CAMKMT: variants seen among roughly 807,000 people sequenced by gnomAD.
CAMKMT encodes the protein CaM KMT.
In CAMKMT, 53 loss-of-function variants were observed where a neutral mutation model predicts 48.0. The ratio of observed to expected loss-of-function variants is 1.10; its 90% confidence interval spans 0.89 to 1.39. The LOEUF (loss-of-function observed/expected upper bound fraction) is 1.39, where lower values mean the gene tolerates loss of function less well. Among genes scored for constraint, CAMKMT ranks in the 40% most tolerant of loss-of-function variants. The pLI is 0.00. For missense variants in CAMKMT, 428 were observed against 402.7 expected, an observed-to-expected ratio of 1.06 and a Z score of -0.54; for synonymous variants, 165 against 152.3, an observed-to-expected ratio of 1.08 and a Z score of -0.61.
intron 3 of CAMKMT, among the ~76,000 whole-genome samples, chr2:44,648,155 A>T (rs1041460493): frequency 6.6e-6 from 1 of 152,068 alleles, no homozygotes; most frequent in Non-Finnish European, 1.5e-5. Flanking sequence ...GTAGAACATT[A>T]TGTATAGTAT....
intron 3 of CAMKMT, among the ~76,000 whole-genome samples, chr2:44,502,182 C>G (rs1185253505): frequency 1.3e-5 from 2 of 152,000 alleles, no homozygotes; most frequent in Admixed American, 1.3e-4. Context: ...GATCGCACCA[C>G]TACACTCCAG....
At position 44,746,235 on chromosome 2, in the gene CAMKMT, C is replaced by A. The variant is rs900824780; in HGVS notation, c.698+2539C>A. On this transcript the variant is annotated intron_variant, in intron 8 of 10. Coordinates refer to ENST00000378494, the MANE Select transcript of CAMKMT (RefSeq NM_024766.5). ...ATTGAAGCGTTTCCAGCAAGGGTGGCATTGTCTGATTCCCTGAATAGCTAA... is the reference window on the plus strand; with the variant it reads ...ATTGAAGCGTTTCCAGCAAGGGTGGAATTGTCTGATTCCCTGAATAGCTAA... Among the ~76,000 whole-genome samples, 4 of 152,210 alleles carry A rather than the reference C, an allele frequency of 2.6e-5. No individual in the cohort carries two copies. In the South Asian group the frequency reaches 6.2e-4, roughly 24 times the overall value.
chr2:44,666,941 G>A (rs901074991), intron 3 of CAMKMT, among the ~76,000 whole-genome samples: 2 of 152,172 alleles, frequency 1.3e-5, no homozygotes, highest in African/African-American at 4.8e-5. Flanking sequence ...CATACAGGAG[G>A]AGAAGTAACC....
At chr2:44,655,500 T>C (rs1010871473) in intron 3 of CAMKMT, among the ~76,000 whole-genome samples, 1 of 152,196 alleles carries the variant, frequency 6.6e-6, no homozygotes, top group Non-Finnish European at 1.5e-5. Context: ...TCTAGGCTGA[T>C]TATATAAACA....
intron 3 of CAMKMT, among the ~76,000 whole-genome samples, chr2:44,519,428 A>C (rs1247612497): frequency 6.6e-6 from 1 of 152,182 alleles, no homozygotes; most frequent in Non-Finnish European, 1.5e-5. Flanking sequence ...TATAATTTTC[A>C]TTATGATTTT....
intron 3 of CAMKMT, among the ~76,000 whole-genome samples, chr2:44,545,360 C>A (rs1667336228): frequency 1.3e-5 from 2 of 152,138 alleles, no homozygotes; most frequent in Non-Finnish European, 2.9e-5. Flanking sequence ...CCAAGTATAT[C>A]CATCTTTTAT....
chr2:44,556,530 C>A lies in CAMKMT; in HGVS notation c.377-147753C>A, dbSNP rs1467357518. Reference sequence around the variant, plus strand: ...CAGGTCGGACTGCGGACTGCAGTGGCGCAATCTCGGCTCACTGCAAGCTCC... The same window carrying A: ...CAGGTCGGACTGCGGACTGCAGTGGAGCAATCTCGGCTCACTGCAAGCTCC... On this transcript the variant is annotated intron_variant, in intron 3 of 10. Coordinates refer to ENST00000378494, the MANE Select transcript of CAMKMT (RefSeq NM_024766.5). Among the ~76,000 whole-genome samples the A allele has an allele frequency of 9.2e-5, 2 of 21,754 alleles. 1 individual carries two copies. The allele number at this position is 21,754 out of a possible 152,430, so 14.3% of individuals were successfully genotyped here. A position where few individuals can be genotyped will look rare whatever the true frequency, so the allele number is the denominator to read the frequency against.
At chr2:44,548,860 A>G (rs1667548051) in intron 3 of CAMKMT, among the ~76,000 whole-genome samples, 1 of 152,192 alleles carries the variant, frequency 6.6e-6, no homozygotes, top group Non-Finnish European at 1.5e-5. Context: ...GAGCCTCCAG[A>G]TGAGAACTCA....
intron 3 of CAMKMT, among the ~76,000 whole-genome samples, chr2:44,446,248 A>T (rs1231151389): frequency 6.6e-6 from 1 of 151,894 alleles, no homozygotes; most frequent in Non-Finnish European, 1.5e-5. Context: ...GCGCCTGGCA[A>T]CAGATATTTA....
chr2:44,405,119 T>G (rs1682691172), intron 3 of CAMKMT, among the ~76,000 whole-genome samples: 1 of 152,110 alleles, frequency 6.6e-6, no homozygotes, highest in Admixed American at 6.5e-5. Flanking sequence ...TTGTGTATAT[T>G]AAAATCTATC....
At chr2:44,581,082 ACTAC>A (rs1669531943) in intron 3 of CAMKMT, among the ~76,000 whole-genome samples, 2 of 152,112 alleles carry the variant, frequency 1.3e-5, no homozygotes, top group South Asian at 4.1e-4. Context: ...GTTGTGGTTG[ACTAC>A]ACAAATGTCA....
intron 3 of CAMKMT, among the ~76,000 whole-genome samples, chr2:44,670,586 AG>A (rs1259320631): frequency 1.3e-5 from 2 of 152,184 alleles, no homozygotes; most frequent in African/African-American, 2.4e-5. Context: ...CCAGTGTTAA[AG>A]GCTGCAGAGA....
chr2:44,667,342 G>T (rs1235073007), intron 3 of CAMKMT, among the ~76,000 whole-genome samples: 1 of 152,148 alleles, frequency 6.6e-6, no homozygotes, highest in Non-Finnish European at 1.5e-5. Context: ...CTCCCCTGAG[G>T]ACCCTGCTTC....
chr2:44,493,924 C>A (rs1490795003), intron 3 of CAMKMT, among the ~76,000 whole-genome samples: 1 of 152,196 alleles, frequency 6.6e-6, no homozygotes, highest in Admixed American at 6.5e-5. Flanking sequence ...TTACTTTTAA[C>A]TGGCTACATT....
chr2:44,722,817 T>G lies in CAMKMT; in HGVS notation c.623+7464T>G, dbSNP rs114427151. Among the ~76,000 whole-genome samples the G allele has an allele frequency of 2.0e-3, 306 of 152,312 alleles. 1 individual carries two copies. Among genetic ancestry groups the G allele is most frequent in the Middle Eastern group, 0.01 (3 of 294 alleles). ...TGCTACTATGTAAGTTAATCAGCTG[T>G]CATAGGATCAGAGATACTTGAAACG... On this transcript the variant is annotated intron_variant, in intron 7 of 10. Coordinates refer to ENST00000378494, the MANE Select transcript of CAMKMT (RefSeq NM_024766.5).
intron 3 of CAMKMT, chr2:44,392,187 T>A (rs960278997): frequency 4.6e-5 from 7 of 152,232 alleles, no homozygotes; most frequent in African/African-American, 1.7e-4. Context: ...GCAGAAAAAT[T>A]AGATAAAATT....
rs1250403639 is a variant in CAMKMT, at chr2:44,657,989, C to G, written c.377-46294C>G. 3.3e-5 allele frequency among the ~76,000 whole-genome samples: 5 copies of G among 152,176 alleles called. No homozygotes were observed. Among genetic ancestry groups the G allele is most frequent in the African/African-American group, 1.2e-4 (5 of 41,452 alleles). On this transcript the variant is annotated intron_variant, in intron 3 of 10. Coordinates refer to ENST00000378494, the MANE Select transcript of CAMKMT (RefSeq NM_024766.5). This position sits in a 1 kb window ranked among gnomAD's most constrained non-coding sequence, Gnocchi z 4.3. ...TCAAATTATTTTTCACACAGATTTA[C>G]TCTCCTGAATTTTCCAGAAATGTAG...
intron 2 of CAMKMT, among the ~76,000 whole-genome samples, chr2:44,378,263 T>A (rs1342065197): frequency 6.6e-6 from 1 of 152,220 alleles, no homozygotes; most frequent in Non-Finnish European, 1.5e-5. Context: ...ATTGCAATTT[T>A]TTATGTAACG....
chr2:44,690,625 A>C (rs1009390778), intron 3 of CAMKMT, among the ~76,000 whole-genome samples: 2 of 152,182 alleles, frequency 1.3e-5, no homozygotes, highest in Non-Finnish European at 2.9e-5. Flanking sequence ...CATCCATGTA[A>C]AGTACACAGC....
Sources: gnomAD v4.1 joint callset for allele counts (sites outside exome capture counted in the v4.1 genomes callset) on GRCh38, gnomAD v4.1.1 for gene constraint, Gnocchi (gnomAD v3.1) non-coding constraint, MANE v1.5 for transcripts, NCBI Gene and HGNC (gene_info 2026-07-23, HGNC 2026-07-21) for gene names.